KYAT3: variants seen among roughly 807,000 people sequenced by gnomAD.
KYAT3 encodes kynurenine aminotransferase 3.
KYAT3 carries 50 observed loss-of-function variants against 59.0 expected under a neutral mutation model. The observed-to-expected ratio is 0.85, with a 90% CI of 0.68 to 1.07. The LOEUF (loss-of-function observed/expected upper bound fraction) is 1.07, where lower values mean the gene tolerates loss of function less well. KYAT3 is among the 50% of genes least tolerant of loss of function. The pLI, the probability that KYAT3 is intolerant of heterozygous loss-of-function variation, is 0.00. For synonymous variants in KYAT3, 148 were observed against 177.0 expected, an observed-to-expected ratio of 0.84 and a Z score of 1.30; for missense variants, 497 against 533.3, an observed-to-expected ratio of 0.93 and a Z score of 0.67.
chr1:88,941,889 T>A (rs1387875850), intron 13 of KYAT3, among the ~76,000 whole-genome samples: 3 of 152,222 alleles, frequency 2.0e-5, no homozygotes, highest in Admixed American at 2.0e-4. Context: ...TTTCAGCAGT[T>A]TATGATGTAC....
rs34867665 is a variant in KYAT3, at chr1:88,978,676, AT to A, written c.100-9210del. ...CCACACCTGGCTAATTTTGTTCTTAATTTTTTTTTTTTTTGGTAGAGATAGA... is the reference window on the plus strand; with the variant it reads ...CCACACCTGGCTAATTTTGTTCTTAATTTTTTTTTTTTTGGTAGAGATAGA... On this transcript the variant is annotated intron_variant, in intron 2 of 13. Coordinates refer to ENST00000260508, the MANE Select transcript of KYAT3 (RefSeq NM_001008661.3). Among the ~76,000 whole-genome samples, 1,021 of 143,160 alleles carry A rather than the reference AT, an allele frequency of 7.1e-3. 4 individuals are homozygous for A. Among genetic ancestry groups the A allele is most frequent in the African/African-American group, 0.021 (816 of 38,538 alleles). The allele number at this position is 143,160 out of a possible 152,430, so 93.9% of individuals were successfully genotyped here.
At chr1:88,968,186 T>A (rs1270471800) in intron 4 of KYAT3, among the ~76,000 whole-genome samples, 1 of 152,176 alleles carries the variant, frequency 6.6e-6, no homozygotes, top group Non-Finnish European at 1.5e-5. Flanking sequence ...ATATGATAAT[T>A]GTATGGCTTT....
chr1:88,977,706 A>T (rs1321087901), intron 2 of KYAT3, among the ~76,000 whole-genome samples: 1 of 152,238 alleles, frequency 6.6e-6, no homozygotes, highest in Non-Finnish European at 1.5e-5. Flanking sequence ...AGTAGTGTAC[A>T]GTAATGTCCT....
chr1:88,974,469 CTTT>C (rs71084932), intron 2 of KYAT3, among the ~76,000 whole-genome samples: 356 of 69,644 alleles, frequency 5.1e-3, no homozygotes, highest in Non-Finnish European at 6.2e-3. Flanking sequence ...GTGTCTCTCT[CTTT>C]TTTTTTTTTT....
At chr1:88,940,654 C>T (rs1675201082) in intron 13 of KYAT3, among the ~76,000 whole-genome samples, 3 of 152,174 alleles carry the variant, frequency 2.0e-5, no homozygotes, top group African/African-American at 7.2e-5. Flanking sequence ...AATTGGCTAT[C>T]CCCAGTTTAA....
chr1:88,924,780 C>T, the KYAT3 span, among the ~76,000 whole-genome samples: 1 of 152,202 alleles, frequency 6.6e-6, no homozygotes, highest in African/African-American at 2.4e-5. Context: ...AAAGGCTTGC[C>T]ATTGTTCCTG....
chr1:88,987,161 G>A (rs886073129), intron 2 of KYAT3, among the ~76,000 whole-genome samples: 1 of 152,204 alleles, frequency 6.6e-6, no homozygotes, highest in Admixed American at 6.5e-5. Context: ...TGTAGAATTA[G>A]AATGCATAAT....
intron 5 of KYAT3, among the ~76,000 whole-genome samples, chr1:88,964,222 A>G (rs896463074): frequency 2.6e-5 from 4 of 152,184 alleles, no homozygotes; most frequent in African/African-American, 9.7e-5. Context: ...AAACAATCAC[A>G]AAAACATCCT....
At chr1:88,945,565 T>C (rs1376193122) in intron 11 of KYAT3, among the ~76,000 whole-genome samples, 1 of 152,258 alleles carries the variant, frequency 6.6e-6, no homozygotes, top group Non-Finnish European at 1.5e-5. Flanking sequence ...CAATTTCATA[T>C]AGCTTTTGTG....
chr1:88,951,440 G>A (rs912580435), intron 10 of KYAT3, among the ~76,000 whole-genome samples: 26 of 151,856 alleles, frequency 1.7e-4, no homozygotes, highest in African/African-American at 5.8e-4. Flanking sequence ...TTGCCATGTT[G>A]GCCAGGCTGG....
At chr1:88,968,610 C>T in intron 4 of KYAT3, 60 bp downstream of exon 4, 1 of 1,352,902 alleles carries the variant, frequency 7.4e-7, no homozygotes, top group Non-Finnish European at 9.9e-7. Context: ...TGCACACACA[C>T]AGACACACAC....
chr1:88,973,890 G>A (rs894012181), intron 2 of KYAT3, among the ~76,000 whole-genome samples: 33 of 152,304 alleles, frequency 2.2e-4, no homozygotes, highest in African/African-American at 7.5e-4. Flanking sequence ...ATCTGAGGCA[G>A]GTGAGATGGG....
At chr1:88,979,882 T>G (rs1428708843) in intron 2 of KYAT3, 2 of 152,152 alleles carry the variant, frequency 1.3e-5, no homozygotes, top group Non-Finnish European at 2.9e-5. Context: ...TTCCTAACAG[T>G]TTTATTCACA....
At position 88,949,115 on chromosome 1, in the gene KYAT3, T is replaced by C. The variant is rs781562209; in HGVS notation, c.1117A>G (p.Ile373Val). Residue 373 changes from isoleucine (I) to valine (V), a missense_variant, in exon 11 of 14, where the codon ATC becomes GTC. Coordinates refer to ENST00000260508, the MANE Select transcript of KYAT3 (RefSeq NM_001008661.3). The stretch of plus-strand genomic sequence containing the variant: ...CCTAGCAAAGACACATCAGCGATGA[T>C]GAAGTATCCTCCATCAGGAACTATG... ...KPIVPDGGYF[I>V]IADVSLLDPD... is the part of the protein sequence containing the mutation. 4 of 1,596,796 alleles carry C rather than the reference T, an allele frequency of 2.5e-6. No homozygotes were observed. The highest frequency in any genetic ancestry group is 1.4e-5 in the African/African-American group (1 of 73,922).
rs1163893244 is a variant in KYAT3 at position 88,948,952 on chromosome 1, AT to A, written c.1141+138del. 21 of 610,832 alleles carry A rather than the reference AT, an allele frequency of 3.4e-5. No individual in the cohort carries two copies. In the African/African-American group the frequency reaches 4.1e-4, roughly 12 times the overall value. The allele number at this position is 610,832 out of a possible 1,614,324, so 37.8% of individuals were successfully genotyped here. A position where few individuals can be genotyped will look rare whatever the true frequency, so the allele number is the denominator to read the frequency against. On this transcript the variant is annotated intron_variant, in intron 11 of 13. Transcript: ENST00000260508. ...CTAAAAGTAAAGATAATTATAGAAA[AT>A]GTAGACATTGCAAAAATCCATCCTT... is the stretch of plus-strand genomic sequence containing the variant.
At chr1:88,983,838 C>G (rs536538804) in intron 2 of KYAT3, 1 of 1,350,302 alleles carries the variant, frequency 7.4e-7, no homozygotes, top group South Asian at 1.2e-5. Flanking sequence ...TTTTTTTTTG[C>G]CGGTGAGTCG....
intron 2 of KYAT3, among the ~76,000 whole-genome samples, chr1:88,971,699 A>C (rs1331280999): frequency 6.6e-6 from 1 of 152,036 alleles, no homozygotes; most frequent in African/African-American, 2.4e-5. Context: ...ACTCAGTCCA[A>C]TTCCTGGTCC....
At position 88,953,125 on chromosome 1, in the gene KYAT3, A is replaced by T. The variant is rs1675750360; in HGVS notation, c.892T>A (p.Leu298Met). ...KLGWSIGPNH[L>M]IKHLQTVQQN... ...TGAACTGTCTGTAAATGTTTTATCA[A>T]ATGATTTGGACCAATGGACCAGCCA... Residue 298 changes from leucine (L) to methionine (M), a missense_variant, in exon 10 of 14, where the codon TTG becomes ATG. Around this residue, in one of 2 missense-constraint regions of KYAT3, gnomAD observed 469 missense variants for 479.1 expected, o/e 0.98. Transcript: ENST00000260508. 1.2e-6 allele frequency: 2 copies of T among 1,613,552 alleles called. No homozygotes were observed. The highest frequency in any genetic ancestry group is 1.7e-6 in the Non-Finnish European group (2 of 1,179,488).
At chr1:88,949,358 G>C (rs1297921660) in intron 10 of KYAT3, 81 bp from the exon 11 acceptor site, 2 of 981,646 alleles carry the variant, frequency 2.0e-6, no homozygotes, top group Non-Finnish European at 2.9e-6. Context: ...AATAAATAGA[G>C]ATGATCTGAG....
Sources: gnomAD v4.1 joint callset for allele counts (sites outside exome capture counted in the v4.1 genomes callset) on GRCh38, gnomAD v4.1.1 for gene constraint, gnomAD v4.1.1 regional missense constraint, MANE v1.5 for transcripts, NCBI Gene and HGNC (gene_info 2026-07-23, HGNC 2026-07-21) for gene names.